The following AATK variants were observed in gnomAD, a reference collection of about 807,000 sequenced individuals.
AATK encodes the protein serine/threonine-protein kinase LMTK1.
In AATK, 91 loss-of-function variants were observed where a neutral mutation model predicts 114.3. That is an observed-to-expected ratio of 0.80 (90% CI 0.67 to 0.95). The LOEUF is 0.95. Among genes scored for constraint, AATK ranks in the 40% least tolerant of loss-of-function variants. AATK has a pLI of 0.00. For synonymous variants in AATK, 1,075 were observed against 916.5 expected, an observed-to-expected ratio of 1.17 and a Z score of -3.12; for missense variants, 2,176 against 1,965.2, an observed-to-expected ratio of 1.11 and a Z score of -2.03.
rs555749904 is a variant in AATK at position 81,118,403 on chromosome 17, C to T, written c.4124G>A (p.Ter1375=). ...AGAGGESKEA[*] ...TGAGGGGCAGGAGCTGCCCAGGTCT[C>T]AAGCCTCTTTACTCTCACCCCCGGC... The change falls in exon 14 of 14, where the codon TGA becomes TAA. Residue 1375 remains the stop codon, a stop_retained_variant. Coordinates refer to ENST00000326724, the MANE Select transcript of AATK (RefSeq NM_001080395.3). 136 of 1,606,742 alleles carry T rather than the reference C, an allele frequency of 8.5e-5. No individual in the cohort carries two copies. The highest frequency in any genetic ancestry group is 1.1e-4 in the Non-Finnish European group (133 of 1,177,568).
Position 81,126,688 on chromosome 17 carries a change from C to G in AATK, c.622-128G>C. 3 of 1,444,888 alleles carry G rather than the reference C, an allele frequency of 2.1e-6. No homozygotes were observed. The highest frequency in any genetic ancestry group is 2.7e-6 in the Non-Finnish European group (3 of 1,097,930). The allele number at this position is 1,444,888 out of a possible 1,614,324, so 89.5% of individuals were successfully genotyped here. A position where few individuals can be genotyped will look rare whatever the true frequency, so the allele number is the denominator to read the frequency against. On this transcript the variant is annotated intron_variant, in intron 6 of 13. Coordinates refer to ENST00000326724, the MANE Select transcript of AATK (RefSeq NM_001080395.3). The surrounding 1 kb of genome is among the most constrained non-coding windows in gnomAD (Gnocchi z 5.1). ...AGGGACAGCAGCTGCCCAGAGCAGC[C>G]TCGTGCCCTGCACAGTGGCCAGCAC...
At position 81,118,326 on chromosome 17, in the gene AATK, C is replaced by G. The variant is rs1040019169; in HGVS notation, c.*76G>C. 1.4e-6 allele frequency: 2 copies of G among 1,480,106 alleles called. No individual in the cohort carries two copies. The highest frequency in any genetic ancestry group is 2.0e-5 in the Admixed American group (1 of 49,434). 91.7% of individuals were successfully genotyped at this position (1,480,106 alleles called of 1,614,324 possible). A position where few individuals can be genotyped will look rare whatever the true frequency, so the allele number is the denominator to read the frequency against. On this transcript the variant is annotated 3_prime_UTR_variant, in exon 14 of 14. Transcript: ENST00000326724. ...GCCACCAGGACGTGGTCCCCACCTTCTCGGTCACCATCCTCGCTGCTGCCT... is the reference window on the plus strand; with the variant it reads ...GCCACCAGGACGTGGTCCCCACCTTGTCGGTCACCATCCTCGCTGCTGCCT...
At chr17:81,122,846 C>A (rs2060717466) in intron 10 of AATK, 23 bp from the exon 11 acceptor site, 1 of 1,441,760 alleles carries the variant, frequency 6.9e-7, no homozygotes, top group South Asian at 1.4e-5. Flanking sequence ...CCCCCGGGGG[C>A]CACGTCAGAG....
intron 3 of AATK, among the ~76,000 whole-genome samples, chr17:81,129,420 A>T (rs1052482260): frequency 6.6e-6 from 1 of 152,124 alleles, no homozygotes; most frequent in Non-Finnish European, 1.5e-5. Context: ...GGGTGCTGAG[A>T]CAGTTCAGAG....
At chr17:81,165,865 C>CA in intron 1 of AATK, 73 bp downstream of exon 1, 1 of 1,535,100 alleles carries the variant, frequency 6.5e-7, no homozygotes, top group Non-Finnish European at 8.8e-7. Context: ...AACCGGGAGC[C>CA]GTGGGGCCCA....
rs572058783 is a variant in AATK at position 81,122,446 on chromosome 17, C to G, written c.1490G>C (p.Gly497Ala). ...CAGCTCCTGCAGGCGTGCGGTGCGG[C>G]CAGGGCTCAGCGTGGCCGGGAAGGC... is the stretch of plus-strand genomic sequence containing the variant. ...AEAFPATLSP[G>A]RTARLQELCA... Residue 497 changes from glycine (G) to alanine (A), a missense_variant, in exon 11 of 14, where the codon GGC becomes GCC. This residue lies in a region of AATK where 1,701 missense variants were observed against 1,394.7 expected (regional missense o/e 1.22). Transcript: ENST00000326724. 205 of 1,456,334 alleles carry G rather than the reference C, an allele frequency of 1.4e-4. No homozygotes were observed. Among genetic ancestry groups the G allele is most frequent in the Non-Finnish European group, 1.8e-4 (197 of 1,103,260 alleles). The allele number at this position is 1,456,334 out of a possible 1,614,324, so 90.2% of individuals were successfully genotyped here.
chr17:81,121,347 C>G lies in AATK; in HGVS notation c.2589G>C (p.Thr863=), dbSNP rs548382568. Residue 863 remains threonine (T), a synonymous_variant, in exon 11 of 14, where the codon ACG becomes ACC. Coordinates refer to ENST00000326724, the MANE Select transcript of AATK (RefSeq NM_001080395.3). ...TGAAGATGCCTGAGGTGGCCTCGGC[C>G]GTGTCCTCATCCTCACTGCTGGGTG... ...VEAPSSEDED[T]AEATSGIFTD... The G allele has an allele frequency of 1.2e-6, 2 of 1,611,932 alleles. No homozygotes were observed. Among genetic ancestry groups the G allele is most frequent in the Admixed American group, 1.7e-5 (1 of 59,966 alleles).
At chr17:81,119,646 C>G in intron 12 of AATK, 66 bp from the exon 13 acceptor site, 3 of 1,285,594 alleles carry the variant, frequency 2.3e-6, no homozygotes, top group Non-Finnish European at 3.1e-6. Context: ...CCCGCTCCCA[C>G]AGTCACGGGC....
intron 1 of AATK, among the ~76,000 whole-genome samples, chr17:81,154,976 G>A (rs2061343703): frequency 6.6e-6 from 1 of 152,160 alleles, no homozygotes; most frequent in African/African-American, 2.4e-5. Context: ...ACAGCTCGCT[G>A]TGCTCTGTGC....
In AATK at chr17:81,121,558, C is replaced by T. The variant is rs201365197; in HGVS notation, c.2378G>A (p.Arg793His). The T allele has an allele frequency of 5.3e-4, 812 of 1,525,274 alleles. No homozygotes were observed. Among genetic ancestry groups the T allele is most frequent in the Admixed American group, 6.4e-4 (31 of 48,644 alleles). The allele number at this position is 1,525,274 out of a possible 1,614,324, so 94.5% of individuals were successfully genotyped here. A position where few individuals can be genotyped will look rare whatever the true frequency, so the allele number is the denominator to read the frequency against. The change falls in exon 11 of 14, where the codon CGC (arginine) becomes CAC (histidine). Residue 793 changes from arginine to histidine, a missense_variant. By Grantham distance (29) the Arg-to-His change is conservative. Around this residue, in one of 4 missense-constraint regions of AATK, gnomAD observed 1,701 missense variants for 1,394.7 expected, o/e 1.22. Transcript: ENST00000326724. The stretch of plus-strand genomic sequence containing the variant: ...GGAGGGGACGGAAGGAAGGGGCAGG[C>T]GGGGTCCGGTAGTGCCCTCAGCCTC... ...ATEAEGTTGP[R>H]LPLPSVPSPS...
At chr17:81,148,711 C>A (rs1448861462) in intron 1 of AATK, among the ~76,000 whole-genome samples, 1 of 150,474 alleles carries the variant, frequency 6.6e-6, no homozygotes, top group East Asian at 1.9e-4. Flanking sequence ...CACACACTTG[C>A]ACACACACAC....
intron 1 of AATK, among the ~76,000 whole-genome samples, chr17:81,137,721 TGAC>T (rs2146344570): frequency 6.6e-6 from 1 of 150,842 alleles, no homozygotes; most frequent in Non-Finnish European, 1.5e-5. Context: ...ACACACCTCA[TGAC>T]AACGCGAAAC....
At position 81,121,788 on chromosome 17, in the gene AATK, C is replaced by T. The variant is rs376402794; in HGVS notation, c.2148G>A (p.Arg716=). 118 of 1,562,448 alleles carry T rather than the reference C, an allele frequency of 7.6e-5. No homozygotes were observed. In the African/African-American group the frequency reaches 1.5e-3, roughly 20 times the overall value. The part of the protein sequence containing the change: ...EGCPSPKQTP[R]ASPEPGYPGE... ...CAGGGTACCCCGGCTCGGGGGAGGC[C>T]CGTGGGGTCTGCTTTGGACTGGGGC... The change falls in exon 11 of 14, where the codon CGG becomes CGA. Residue 716 remains arginine, a synonymous_variant. Transcript: ENST00000326724.
chr17:81,145,234 C>CAAAAAAAAAA (rs761538299), intron 1 of AATK, among the ~76,000 whole-genome samples: 5 of 121,162 alleles, frequency 4.1e-5, no homozygotes, highest in Admixed American at 8.7e-5. Flanking sequence ...GAGACTCCAT[C>CAAAAAAAAAA]AAAAAAAAAA....
chr17:81,121,341 C>T lies in AATK; in HGVS notation c.2595G>A (p.Glu865=), dbSNP rs1393850832. 2 of 1,612,180 alleles carry T rather than the reference C, an allele frequency of 1.2e-6. No homozygotes were observed. Among genetic ancestry groups the T allele is most frequent in the African/African-American group, 1.3e-5 (1 of 75,076 alleles). The part of the protein sequence containing the change: ...APSSEDEDTA[E]ATSGIFTDTS... ...TGTCGGTGAAGATGCCTGAGGTGGC[C>T]TCGGCCGTGTCCTCATCCTCACTGC... Residue 865 remains glutamate (E), a synonymous_variant, in exon 11 of 14, where the codon GAG becomes GAA. Transcript: ENST00000326724.
chr17:81,137,257 T>TA (rs57760563), intron 1 of AATK, among the ~76,000 whole-genome samples: 18,066 of 132,840 alleles, frequency 0.14, 1,173 homozygotes, highest in Middle Eastern at 0.17. Context: ...GACTCCGCCT[T>TA]AAAAAAAAAA....
At chr17:81,125,349 C>T (rs748792685) in intron 7 of AATK, 3 of 668,994 alleles carry the variant, frequency 4.5e-6, no homozygotes, top group Admixed American at 1.8e-5. Context: ...TTCTCCAGGA[C>T]CCTCTCCTCC....
intron 1 of AATK, among the ~76,000 whole-genome samples, chr17:81,141,443 T>TC (rs542960698): frequency 1.3e-5 from 2 of 151,814 alleles, no homozygotes; most frequent in African/African-American, 2.4e-5. Flanking sequence ...AGAGACTCTG[T>TC]CCCCCCCAAA....
chr17:81,129,842 G>C (rs2060902630), intron 3 of AATK, among the ~76,000 whole-genome samples: 1 of 152,236 alleles, frequency 6.6e-6, no homozygotes, highest in South Asian at 2.1e-4. Flanking sequence ...CACGCTCTGA[G>C]TGGGTGGCTG....
Sources: gnomAD v4.1 joint callset for allele counts (sites outside exome capture counted in the v4.1 genomes callset) on GRCh38, gnomAD v4.1.1 for gene constraint, gnomAD v4.1.1 regional missense constraint, Gnocchi (gnomAD v3.1) non-coding constraint, MANE v1.5 for transcripts, NCBI Gene and HGNC (gene_info 2026-07-23, HGNC 2026-07-21) for gene names.